The following ASH1L variants were observed in gnomAD, a reference collection of about 807,000 sequenced individuals.
ASH1L encodes the protein ASH1 like histone lysine methyltransferase, also known as histone-lysine N-methyltransferase ASH1L.
ASH1L carries 23 observed loss-of-function variants against 269.0 expected under a neutral mutation model. The observed-to-expected ratio is 0.09, with a 90% CI of 0.06 to 0.12. The LOEUF (loss-of-function observed/expected upper bound fraction) is 0.12. ASH1L is among the 10% of genes least tolerant of loss of function. The pLI is 1.00. For synonymous variants in ASH1L, 1,187 were observed against 1,253.5 expected (o/e 0.95, Z 1.12); for missense variants, 2,912 against 3,567.8 (o/e 0.82, Z 4.68).
At chr1:155,485,341 T>C (rs1666270803) in intron 2 of ASH1L, among the ~76,000 whole-genome samples, 1 of 151,946 alleles carries the variant, frequency 6.6e-6, no homozygotes, top group Non-Finnish European at 1.5e-5. Flanking sequence ...TTTTAAGAGA[T>C]GGGGTCTTGC....
At chr1:155,532,819 T>C (rs1669761870) in intron 1 of ASH1L, among the ~76,000 whole-genome samples, 1 of 142,762 alleles carries the variant, frequency 7.0e-6, no homozygotes, top group Admixed American at 7.0e-5. Context: ...TGAGACTCTG[T>C]CTCAAAAAAA....
At chr1:155,357,839 T>C (rs1654550703) in intron 13 of ASH1L, 90 bp from the exon 14 acceptor site, 4 of 1,269,956 alleles carry the variant, frequency 3.1e-6, no homozygotes, top group African/African-American at 1.5e-5. Context: ...AGTATGATCA[T>C]GGCTCACTGC....
At chr1:155,338,509 G>T in intron 26 of ASH1L, 119 bp from the exon 27 acceptor site, 1 of 799,382 alleles carries the variant, frequency 1.3e-6, no homozygotes, top group Non-Finnish European at 1.9e-6. Context: ...CTTAGCTTGA[G>T]GTAAGAAACT....
rs764902812 is a variant in ASH1L at position 155,347,862 on chromosome 1, G to A, written c.7597C>T (p.Arg2533Cys). Residue 2533 changes from arginine to cysteine, a missense_variant, in exon 20 of 28, where the codon CGT becomes TGT. This residue lies in a region of ASH1L where 309 missense variants were observed against 435.1 expected (regional missense o/e 0.71). Coordinates refer to ENST00000392403, the MANE Select transcript of ASH1L (RefSeq NM_018489.3). Reference sequence around the variant, plus strand: ...GCATTGTAATAGGCCTTTCGTAGACGACAAACATCTCTCCCAACTGGGGAT... The same window carrying A: ...GCATTGTAATAGGCCTTTCGTAGACAACAAACATCTCTCCCAACTGGGGAT... ...RKSPVGRDVC[R>C]LRKAYYNARH... 7.4e-6 allele frequency: 12 copies of A among 1,614,032 alleles called. No homozygotes were observed. Among genetic ancestry groups the A allele is most frequent in the Admixed American group, 5.0e-5 (3 of 59,988 alleles).
At chr1:155,547,954 C>T (rs932518863) in intron 1 of ASH1L, among the ~76,000 whole-genome samples, 2 of 152,068 alleles carry the variant, frequency 1.3e-5, no homozygotes, top group African/African-American at 2.4e-5. Flanking sequence ...CCAGCCTGGG[C>T]GACAGAGCGA....
intron 2 of ASH1L, among the ~76,000 whole-genome samples, chr1:155,487,209 T>C (rs2148748942): frequency 1.3e-5 from 2 of 152,114 alleles, no homozygotes; most frequent in Middle Eastern, 6.8e-3. Context: ...CAACACTGAA[T>C]TAATGGAGCC....
chr1:155,441,524 A>G (rs546398688), intron 4 of ASH1L, among the ~76,000 whole-genome samples: 2,886 of 126,176 alleles, frequency 0.023, 100 homozygotes, highest in African/African-American at 0.081. Context: ...GTGCAGTGGC[A>G]TGAACTTGGC....
At chr1:155,412,101 G>C (rs1659857721) in intron 6 of ASH1L, among the ~76,000 whole-genome samples, 1 of 152,050 alleles carries the variant, frequency 6.6e-6, no homozygotes. Context: ...AATTGGCTGG[G>C]CATGGCGGTG....
chr1:155,341,681 G>T (rs946876287), intron 25 of ASH1L, among the ~76,000 whole-genome samples: 2 of 152,024 alleles, frequency 1.3e-5, no homozygotes, highest in African/African-American at 4.8e-5. Context: ...AATGGGGCTC[G>T]CCAGCAAAGG....
Position 155,343,372 on chromosome 1 carries a change from A to G in ASH1L, c.8235T>C (p.Ile2745=), listed in dbSNP as rs750538109. 6.2e-7 allele frequency: 1 copy of G among 1,614,212 alleles called. No individual in the cohort carries two copies. Among genetic ancestry groups the G allele is most frequent in the South Asian group, 1.1e-5 (1 of 91,090 alleles). ...AGGTCCCCACTACAGCCTCCAAGGG[A>G]ATGATCTCATAGAGTGGCACCCGAA... ...ELFRVPLYEI[I]PLEAVVGTCC... The change falls in exon 24 of 28, where the codon ATT becomes ATC. Residue 2745 remains isoleucine, a synonymous_variant. Transcript: ENST00000392403. This position sits in a 1 kb window ranked among gnomAD's most constrained non-coding sequence, Gnocchi z 6.1.
intron 5 of ASH1L, among the ~76,000 whole-genome samples, chr1:155,435,842 G>C (rs1662041541): frequency 6.6e-6 from 1 of 152,168 alleles, no homozygotes; most frequent in Non-Finnish European, 1.5e-5. Context: ...CCTGAGGTCA[G>C]GAGTTCGAGG....
At chr1:155,499,890 C>T (rs1383288364) in intron 2 of ASH1L, among the ~76,000 whole-genome samples, 1 of 152,058 alleles carries the variant, frequency 6.6e-6, no homozygotes, top group East Asian at 1.9e-4. Flanking sequence ...GAGAAACATT[C>T]ACATTCACCA....
Position 155,337,703 on chromosome 1 carries a change from C to T in ASH1L, c.8852G>A (p.Arg2951Gln), listed in dbSNP as rs756414058. 1.2e-6 allele frequency: 2 copies of T among 1,614,022 alleles called. No individual in the cohort carries two copies. Among genetic ancestry groups the T allele is most frequent in the Non-Finnish European group, 1.7e-6 (2 of 1,179,912 alleles). ...TTCTGGGATAAACAAAGTACGCCTTCGCAGTTTCCTGCCTGATCCTTCCTC... is the reference window on the plus strand; with the variant it reads ...TTCTGGGATAAACAAAGTACGCCTTTGCAGTTTCCTGCCTGATCCTTCCTC... ...LLEEGSGRKL[R>Q]RRTLFIPENS... is the part of the protein sequence containing the mutation. Residue 2951 changes from arginine (R) to glutamine (Q), a missense_variant, in exon 28 of 28, where the codon CGA becomes CAA. By Grantham distance (43) the Arg-to-Gln change is conservative (BLOSUM62 1). Coordinates refer to ENST00000392403, the MANE Select transcript of ASH1L (RefSeq NM_018489.3).
Position 155,343,270 on chromosome 1 carries a change from T to G in ASH1L, c.8293+44A>C, listed in dbSNP as rs780234632. 2 of 1,578,510 alleles carry G rather than the reference T, an allele frequency of 1.3e-6. No homozygotes were observed. The highest frequency in any genetic ancestry group is 4.5e-5 in the East Asian group (2 of 44,622). ...CGCTGGGATTATCAGCGTGAGCCACTGCACTTGGCCGAGGTCATTTTTTAA... is the reference window on the plus strand; with the variant it reads ...CGCTGGGATTATCAGCGTGAGCCACGGCACTTGGCCGAGGTCATTTTTTAA... On this transcript the variant is annotated intron_variant, in intron 24 of 27. Coordinates refer to ENST00000392403, the MANE Select transcript of ASH1L (RefSeq NM_018489.3). This position sits in a 1 kb window ranked among gnomAD's most constrained non-coding sequence, Gnocchi z 6.1.
At chr1:155,457,106 T>C (rs976718718) in intron 4 of ASH1L, among the ~76,000 whole-genome samples, 8 of 152,220 alleles carry the variant, frequency 5.3e-5, no homozygotes, top group African/African-American at 1.9e-4. Context: ...GAGTGGACTC[T>C]TGATGGTCAC....
rs1007908976 is a variant in ASH1L at position 155,415,731 on chromosome 1, T to C, written c.6008+13A>G. On this transcript the variant is annotated intron_variant, in intron 6 of 27. Coordinates refer to ENST00000392403, the MANE Select transcript of ASH1L (RefSeq NM_018489.3). ...AGAAAAAGGGATGTTAGCTAATAGG[T>C]ACTACTACTTACTCTGTAGTTTTGT... The C allele has an allele frequency of 4.3e-6, 7 of 1,611,088 alleles. No homozygotes were observed. The African/African-American group carries it at 9.4e-5, about 22-fold the overall frequency.
rs182255582 is a variant in ASH1L, at chr1:155,502,022, G to A, written c.420+19078C>T. Reference sequence around the variant, plus strand: ...TATATTTTTAGCAAATGAGAGAAGAGGAAATATTTGAGTAATACAGTTATG... The same window carrying A: ...TATATTTTTAGCAAATGAGAGAAGAAGAAATATTTGAGTAATACAGTTATG... On this transcript the variant is annotated intron_variant, in intron 2 of 27. Coordinates refer to ENST00000392403, the MANE Select transcript of ASH1L (RefSeq NM_018489.3). 2.6e-3 allele frequency among the ~76,000 whole-genome samples: 390 copies of A among 151,572 alleles called. 1 individual carries two copies. Among genetic ancestry groups the A allele is most frequent in the Admixed American group, 9.1e-3 (138 of 15,202 alleles).
At chr1:155,382,563 TTCAGGAGATATTCCA>T (rs1205551451) in intron 7 of ASH1L, among the ~76,000 whole-genome samples, 3 of 152,094 alleles carry the variant, frequency 2.0e-5, no homozygotes, top group Non-Finnish European at 4.4e-5. Flanking sequence ...AGGCAGATCC[TTCAGGAGATATTCCA>T]GAAGACATTA....
intron 4 of ASH1L, among the ~76,000 whole-genome samples, chr1:155,452,789 T>A (rs1166673701): frequency 1.3e-5 from 2 of 152,152 alleles, no homozygotes; most frequent in Non-Finnish European, 2.9e-5. Flanking sequence ...ACTCCTGGCC[T>A]CAAGTGATCT....
Sources: allele counts gnomAD v4.1 joint callset (sites outside exome capture counted in the v4.1 genomes callset), GRCh38; gene constraint gnomAD v4.1.1; regional missense constraint gnomAD v4.1.1; non-coding constraint Gnocchi (gnomAD v3.1); transcripts MANE v1.5; gene names NCBI Gene and HGNC (gene_info 2026-07-23, HGNC 2026-07-21).